The following ANKRD36B variants were observed in gnomAD, a reference collection of about 807,000 sequenced individuals.
The protein encoded by ANKRD36B is ankyrin repeat domain-containing protein 36B.
ANKRD36B carries 37 observed loss-of-function variants against 135.7 expected under a neutral mutation model. That is an observed-to-expected ratio of 0.27 (90% CI 0.21 to 0.36). ANKRD36B has a LOEUF of 0.36. Ranked by LOEUF, ANKRD36B falls within the 10% of genes least tolerant of loss-of-function variation. The pLI is 1.00. For missense variants in ANKRD36B, 549 were observed against 1,037.1 expected, an observed-to-expected ratio of 0.53 and a Z score of 6.46; for synonymous variants, 179 against 348.1, an observed-to-expected ratio of 0.51 and a Z score of 5.41.
rs1276557884 is a variant in ANKRD36B at position 97,530,830 on chromosome 2, G to A, written c.2265+1481C>T. On this transcript the variant is annotated intron_variant, in intron 35 of 43. Coordinates refer to ENST00000359901, the MANE Select transcript of ANKRD36B (RefSeq NM_001393939.1). ...ATGCTCATCATCACTGGCCATCAGA[G>A]AAATGCAAATCAAAACCACAATGAG... is the stretch of plus-strand genomic sequence containing the variant. Among the ~76,000 whole-genome samples, 21 of 97,810 alleles carry A rather than the reference G, an allele frequency of 2.1e-4. 7 individuals carry two copies. The South Asian group carries it at 4.2e-3, about 19-fold the overall frequency. 64.2% of individuals were successfully genotyped at this position (97,810 alleles called of 152,430 possible).
intron 14 of ANKRD36B, among the ~76,000 whole-genome samples, chr2:97,554,650 T>G (rs564556984): frequency 6.6e-6 from 1 of 152,110 alleles, no homozygotes; most frequent in Admixed American, 6.6e-5. Flanking sequence ...TTAGTTCTCG[T>G]TCTACAATTT....
intron 22 of ANKRD36B, among the ~76,000 whole-genome samples, chr2:97,546,139 C>T (rs1446062240): frequency 6.6e-6 from 1 of 151,584 alleles, no homozygotes; most frequent in Non-Finnish European, 1.5e-5. Context: ...GTCGATATGC[C>T]GAGTGATGAG....
At chr2:97,547,500 G>A (rs1197425199) in intron 22 of ANKRD36B, 36 bp downstream of exon 22, 3 of 1,526,366 alleles carry the variant, frequency 2.0e-6, no homozygotes, top group Non-Finnish European at 2.7e-6. Flanking sequence ...TATCTACCCG[G>A]ACTGAACATG....
At chr2:97,558,937 G>C in intron 9 of ANKRD36B, 29 bp downstream of exon 9, 3 of 1,606,098 alleles carry the variant, frequency 1.9e-6, no homozygotes, top group Non-Finnish European at 2.5e-6. Flanking sequence ...ACGGTTAATA[G>C]TTCAACATAT....
intron 6 of ANKRD36B, among the ~76,000 whole-genome samples, chr2:97,563,018 A>G (rs1281779407): frequency 6.6e-6 from 1 of 151,970 alleles, no homozygotes; most frequent in Non-Finnish European, 1.5e-5. Flanking sequence ...GACAGTACTG[A>G]GCAATAAACT....
At chr2:97,558,581 G>A (rs189653110) in intron 10 of ANKRD36B, among the ~76,000 whole-genome samples, 2,287 of 151,898 alleles carry the variant, frequency 0.015, 62 homozygotes, top group African/African-American at 0.052. Context: ...GCTCTCCAAC[G>A]TTTCTTCTTC....
At chr2:97,543,451 A>C (rs1280477646) in intron 26 of ANKRD36B, among the ~76,000 whole-genome samples, 1 of 106,018 alleles carries the variant, frequency 9.4e-6, no homozygotes, top group Non-Finnish European at 2.4e-5. Context: ...CATCTGTAAA[A>C]TATATACTTC....
intron 6 of ANKRD36B, among the ~76,000 whole-genome samples, chr2:97,568,994 T>C (rs1470685193): frequency 6.6e-6 from 1 of 152,168 alleles, no homozygotes; most frequent in African/African-American, 2.4e-5. Flanking sequence ...AGCTGGTCTA[T>C]TTCCAACTGC....
intron 6 of ANKRD36B, among the ~76,000 whole-genome samples, chr2:97,571,475 A>G (rs10195004): frequency 0.56 from 84,596 of 151,846 alleles, 25,185 homozygotes; most frequent in Non-Finnish European, 0.67. Flanking sequence ...GTGAAACCGC[A>G]TCTCTACTAA....
At chr2:97,578,334 A>C (rs2082357801) in intron 5 of ANKRD36B, among the ~76,000 whole-genome samples, 1 of 152,110 alleles carries the variant, frequency 6.6e-6, no homozygotes, top group Non-Finnish European at 1.5e-5. Flanking sequence ...AAGGTTAATC[A>C]CTACCAGACT....
chr2:97,536,821 GA>G (rs1479278106), intron 32 of ANKRD36B, among the ~76,000 whole-genome samples: 1 of 96,886 alleles, frequency 1.0e-5, no homozygotes, highest in East Asian at 2.3e-4. Flanking sequence ...CATAACCCTA[GA>G]AATAAGTGTA....
intron 35 of ANKRD36B, among the ~76,000 whole-genome samples, chr2:97,527,621 A>G (rs2078290984): frequency 1.0e-5 from 1 of 96,340 alleles, no homozygotes; most frequent in African/African-American, 3.1e-5. Context: ...AATTGGATAA[A>G]GAGTCAAGAC....
At chr2:97,554,400 G>C (rs2922581) in intron 14 of ANKRD36B, among the ~76,000 whole-genome samples, 1 of 151,888 alleles carries the variant, frequency 6.6e-6, no homozygotes, top group Non-Finnish European at 1.5e-5. Flanking sequence ...TAGTAGCAAA[G>C]AGAAGTAATT....
rs561923094 is a variant in ANKRD36B at position 97,535,963 on chromosome 2, G to A, written c.2191+337C>T. On this transcript the variant is annotated intron_variant, in intron 34 of 43. Coordinates refer to ENST00000359901, the MANE Select transcript of ANKRD36B (RefSeq NM_001393939.1). ...ACCTGTAATCCCAGCTACTCGGGAGGCTGAGGCAGGAGAATTGCTTGAACC... is the reference window on the plus strand; with the variant it reads ...ACCTGTAATCCCAGCTACTCGGGAGACTGAGGCAGGAGAATTGCTTGAACC... 3.2e-4 allele frequency among the ~76,000 whole-genome samples: 30 copies of A among 94,230 alleles called. 8 individuals carry two copies. The highest frequency in any genetic ancestry group is 9.2e-4 in the African/African-American group (29 of 31,440). The allele number at this position is 94,230 out of a possible 152,430, so 61.8% of individuals were successfully genotyped here. A position where few individuals can be genotyped will look rare whatever the true frequency, so the allele number is the denominator to read the frequency against.
intron 10 of ANKRD36B, among the ~76,000 whole-genome samples, chr2:97,558,463 T>C (rs1291667770): frequency 2.6e-5 from 4 of 151,936 alleles, no homozygotes; most frequent in African/African-American, 9.7e-5. Flanking sequence ...TACGATGTGA[T>C]GTCTGTAAAA....
intron 3 of ANKRD36B, among the ~76,000 whole-genome samples, 186 bp downstream of exon 3, chr2:97,584,758 T>C (rs2082862617): frequency 2.2e-5 from 3 of 138,004 alleles, no homozygotes; most frequent in East Asian, 4.1e-4. Context: ...AAAAAGGCTG[T>C]TCCCTATAAT....
intron 6 of ANKRD36B, among the ~76,000 whole-genome samples, chr2:97,561,816 T>C (rs1044753423): frequency 2.0e-5 from 3 of 151,980 alleles, no homozygotes; most frequent in Non-Finnish European, 4.4e-5. Context: ...TATTCACATT[T>C]ATCTCATTTG....
intron 6 of ANKRD36B, among the ~76,000 whole-genome samples, chr2:97,563,994 A>ATAT (rs750317814): frequency 4.6e-5 from 7 of 150,836 alleles, no homozygotes; most frequent in Non-Finnish European, 1.0e-4. Flanking sequence ...ATAGATCTGA[A>ATAT]ATATATATCA....
At chr2:97,565,992 G>A (rs964841022) in intron 6 of ANKRD36B, among the ~76,000 whole-genome samples, 2 of 151,364 alleles carry the variant, frequency 1.3e-5, no homozygotes, top group African/African-American at 4.9e-5. Flanking sequence ...GAACAGACTG[G>A]GCAACATAGC....
Sources: allele counts gnomAD v4.1 joint callset (sites outside exome capture counted in the v4.1 genomes callset), GRCh38; gene constraint gnomAD v4.1.1; transcripts MANE v1.5; gene names NCBI Gene and HGNC (gene_info 2026-07-23, HGNC 2026-07-21).